SEL1L2: variants seen among roughly 807,000 people sequenced by gnomAD.
The protein encoded by SEL1L2 is protein sel-1 homolog 2.
SEL1L2 carries 89 observed loss-of-function variants against 98.8 expected under a neutral mutation model. That is an observed-to-expected ratio of 0.90 (90% CI 0.76 to 1.07). The LOEUF (loss-of-function observed/expected upper bound fraction) is 1.07, where lower values mean the gene tolerates loss of function less well. SEL1L2 is among the 50% of genes least tolerant of loss of function. The pLI is 0.00. For synonymous variants in SEL1L2, 262 were observed against 278.5 expected (o/e 0.94, Z 0.59); for missense variants, 788 against 812.0 (o/e 0.97, Z 0.36).
At chr20:13,888,841 C>T (rs1429354990) in intron 5 of SEL1L2, among the ~76,000 whole-genome samples, 2 of 145,336 alleles carry the variant, frequency 1.4e-5, no homozygotes, top group Non-Finnish European at 3.0e-5. Context: ...AGAGATGGGG[C>T]TTCACCCTGT....
At chr20:13,902,063 A>G (rs896562562) in intron 5 of SEL1L2, among the ~76,000 whole-genome samples, 1 of 152,178 alleles carries the variant, frequency 6.6e-6, no homozygotes, top group African/African-American at 2.4e-5. Flanking sequence ...ATTGCCACGG[A>G]AAAGGGCAGT....
At chr20:13,966,464 G>C (rs563242366) in intron 1 of SEL1L2, among the ~76,000 whole-genome samples, 1 of 151,760 alleles carries the variant, frequency 6.6e-6, no homozygotes, top group East Asian at 1.9e-4. Context: ...AATTACAGGC[G>C]CCCATTACCA....
chr20:13,975,640 T>C (rs1045212870), intron 1 of SEL1L2, among the ~76,000 whole-genome samples: 20 of 152,362 alleles, frequency 1.3e-4, no homozygotes, highest in African/African-American at 4.8e-4. Context: ...TTAACTACTA[T>C]TTAATTTTAT....
At chr20:13,937,234 C>G (rs2049498237) in intron 2 of SEL1L2, among the ~76,000 whole-genome samples, 1 of 152,174 alleles carries the variant, frequency 6.6e-6, no homozygotes, top group Non-Finnish European at 1.5e-5. Context: ...AGTTTCTTTT[C>G]TTCTTGGTTA....
chr20:13,976,191 AG>A (rs2051526017), intron 1 of SEL1L2, among the ~76,000 whole-genome samples: 10 of 151,806 alleles, frequency 6.6e-5, no homozygotes, highest in Admixed American at 6.6e-4. Flanking sequence ...TAGTAGAGAC[AG>A]GGTTTCTCCA....
chr20:13,855,759 G>T (rs1191997770), intron 18 of SEL1L2, among the ~76,000 whole-genome samples: 2 of 152,206 alleles, frequency 1.3e-5, no homozygotes, highest in African/African-American at 4.8e-5. Flanking sequence ...CTACTTCTTG[G>T]CTGCCTTAGC....
At chr20:13,869,679 A>G in intron 13 of SEL1L2, 89 bp from the exon 14 acceptor site, 3 of 911,948 alleles carry the variant, frequency 3.3e-6, no homozygotes, top group Non-Finnish European at 5.4e-6. Flanking sequence ...GAGTATAGAC[A>G]GTGCCCTATG....
At chr20:13,905,647 T>C (rs968017399) in intron 5 of SEL1L2, among the ~76,000 whole-genome samples, 6 of 152,112 alleles carry the variant, frequency 3.9e-5, no homozygotes, top group Admixed American at 2.6e-4. Context: ...CATTGTCACT[T>C]ACCAACTTTA....
At position 13,872,490 on chromosome 20, in the gene SEL1L2, A is replaced by G. The variant is rs933327018; in HGVS notation, c.1105-2287T>C. Among the ~76,000 whole-genome samples, 11 of 151,850 alleles carry G rather than the reference A, an allele frequency of 7.2e-5. 1 individual carries two copies. The highest frequency in any genetic ancestry group is 1.7e-4 in the African/African-American group (7 of 41,304). On this transcript the variant is annotated intron_variant, in intron 12 of 19. Transcript: ENST00000284951. ...GCTTTCCCTTCTGCCATGATTGTAC[A>G]TTTTCTGAGGCCTCCCCAGCAATGC...
intron 3 of SEL1L2, among the ~76,000 whole-genome samples, chr20:13,923,654 T>C (rs1203591495): frequency 1.3e-5 from 2 of 152,172 alleles, no homozygotes; most frequent in Admixed American, 1.3e-4. Context: ...TTCGGGAGGC[T>C]GAGGCACAAG....
At chr20:13,985,513 C>T (rs534475379) in intron 1 of SEL1L2, among the ~76,000 whole-genome samples, 2 of 152,260 alleles carry the variant, frequency 1.3e-5, no homozygotes, top group Admixed American at 6.5e-5. Context: ...CATTCTGTGC[C>T]CTACAGTACC....
intron 3 of SEL1L2, among the ~76,000 whole-genome samples, chr20:13,921,601 A>G (rs1028299457): frequency 6.6e-6 from 1 of 152,338 alleles, no homozygotes; most frequent in South Asian, 2.1e-4. Flanking sequence ...GGGAAAAATG[A>G]TTTACAGGAA....
At chr20:13,950,091 T>C (rs2050196429) in intron 2 of SEL1L2, among the ~76,000 whole-genome samples, 1 of 152,170 alleles carries the variant, frequency 6.6e-6, no homozygotes, top group Non-Finnish European at 1.5e-5. Context: ...AAACACTGTA[T>C]GAACACTTAG....
At chr20:13,853,791 C>T (rs761786395) in intron 18 of SEL1L2, among the ~76,000 whole-genome samples, 4 of 152,084 alleles carry the variant, frequency 2.6e-5, no homozygotes, top group Non-Finnish European at 5.9e-5. Flanking sequence ...AATCACTAGG[C>T]CACAAAGTAC....
chr20:13,868,618 T>C (rs558163803), intron 14 of SEL1L2, among the ~76,000 whole-genome samples: 1 of 151,116 alleles, frequency 6.6e-6, no homozygotes, highest in East Asian at 1.9e-4. Flanking sequence ...TTTTTTTTTT[T>C]TTTTTGAGAT....
At chr20:13,991,043 C>A (rs538089434), upstream of SEL1L2, among the ~76,000 whole-genome samples, 1 of 152,310 alleles carries the variant, frequency 6.6e-6, no homozygotes, top group East Asian at 1.9e-4. Context: ...AAATCTTTAT[C>A]CTCTTTTCCA....
chr20:13,992,677 C>A (rs954560438), upstream of SEL1L2, among the ~76,000 whole-genome samples: 4 of 152,048 alleles, frequency 2.6e-5, no homozygotes, highest in African/African-American at 9.7e-5. Flanking sequence ...ACTGTATTAG[C>A]CTGTATGCAA....
chr20:13,902,913 C>T (rs573484981), intron 5 of SEL1L2, among the ~76,000 whole-genome samples: 14 of 151,892 alleles, frequency 9.2e-5, no homozygotes, highest in South Asian at 4.2e-4. Flanking sequence ...GTCAAGAGAT[C>T]GAGACCATCC....
At chr20:13,920,923 C>A (rs1381066835) in intron 3 of SEL1L2, among the ~76,000 whole-genome samples, 2 of 152,128 alleles carry the variant, frequency 1.3e-5, no homozygotes, top group African/African-American at 4.8e-5. Context: ...ATACCAGGCA[C>A]TTTCAGGATC....
Sources: allele counts gnomAD v4.1 joint callset (sites outside exome capture counted in the v4.1 genomes callset), GRCh38; gene constraint gnomAD v4.1.1; transcripts MANE v1.5; gene names NCBI Gene and HGNC (gene_info 2026-07-23, HGNC 2026-07-21).